Variants in RPS6KA2 observed in about 807,000 individuals in gnomAD.
The protein encoded by RPS6KA2 is ribosomal protein S6 kinase alpha-2.
Under a neutral mutation model 91.8 loss-of-function variants are expected in RPS6KA2, and 42 were observed. The observed-to-expected ratio is 0.46, with a 90% CI of 0.36 to 0.59. The LOEUF is 0.59. RPS6KA2 is among the 20% of genes least tolerant of loss of function. The pLI, the probability that RPS6KA2 is intolerant of heterozygous loss-of-function variation, is 0.00. For missense variants in RPS6KA2, 798 were observed against 978.5 expected (o/e 0.82, Z 2.46); for synonymous variants, 414 against 393.6 (o/e 1.05, Z -0.61).
chr6:166,632,973 G>A (rs192299438), intron 2 of RPS6KA2, among the ~76,000 whole-genome samples: 56 of 152,344 alleles, frequency 3.7e-4, no homozygotes, highest in African/African-American at 1.2e-3. Flanking sequence ...CCAGCATTTC[G>A]GGAGGCCGAG....
intron 2 of RPS6KA2, chr6:166,757,712 C>G (rs1050716256): frequency 9.9e-6 from 4 of 403,030 alleles, no homozygotes; most frequent in African/African-American, 4.1e-5. Flanking sequence ...CCGCACACCT[C>G]CTCTTCCCTC....
At chr6:166,469,933 G>A (rs1583175829) in intron 10 of RPS6KA2, 28 bp from the exon 11 acceptor site, 1 of 1,600,058 alleles carries the variant, frequency 6.2e-7, no homozygotes, top group Non-Finnish European at 8.6e-7. Context: ...ATGATCATCA[G>A]AACAAATCCA....
At chr6:166,739,609 G>C (rs1790756083) in intron 2 of RPS6KA2, among the ~76,000 whole-genome samples, 1 of 152,234 alleles carries the variant, frequency 6.6e-6, no homozygotes, top group Admixed American at 6.5e-5. Context: ...GGAAAAGAGG[G>C]TGTCGTGTGA....
intron 1 of RPS6KA2, among the ~76,000 whole-genome samples, chr6:166,613,130 C>T (rs1786248819): frequency 6.6e-6 from 1 of 152,180 alleles, no homozygotes. Flanking sequence ...ATTTAGTGAT[C>T]AGAAAAATTT....
At chr6:166,572,691 A>G (rs1338344046) in intron 1 of RPS6KA2, among the ~76,000 whole-genome samples, 1 of 152,196 alleles carries the variant, frequency 6.6e-6, no homozygotes, top group Non-Finnish European at 1.5e-5. Context: ...CTGGACCAGC[A>G]AGGCCCCCTT....
At chr6:166,686,861 T>C (rs926615324) in intron 2 of RPS6KA2, among the ~76,000 whole-genome samples, 8 of 152,166 alleles carry the variant, frequency 5.3e-5, no homozygotes, top group African/African-American at 1.4e-4. Context: ...AATTACAGTG[T>C]GGCCACAAAT....
chr6:166,734,481 T>C (rs1413731157), intron 2 of RPS6KA2, among the ~76,000 whole-genome samples: 2 of 152,146 alleles, frequency 1.3e-5, no homozygotes, highest in African/African-American at 4.8e-5. Context: ...CATCCAATGG[T>C]ATATAATTAC....
intron 10 of RPS6KA2, among the ~76,000 whole-genome samples, chr6:166,487,413 A>T (rs1252460008): frequency 6.6e-6 from 1 of 152,178 alleles, no homozygotes. Context: ...CACGCTCGGC[A>T]TGCAGAGGTG....
chr6:166,830,146 GAAAGAAAGAAAGAAAGA>G (rs1780149231), intron 2 of RPS6KA2, among the ~76,000 whole-genome samples: 1 of 45,012 alleles, frequency 2.2e-5, no homozygotes, highest in Non-Finnish European at 8.6e-5. Context: ...AAAAAAGAAA[GAAAGAAAGAAAGAAAGA>G]AAAGAAAAGG....
chr6:166,509,162 C>G (rs1489796298), intron 4 of RPS6KA2, among the ~76,000 whole-genome samples: 2 of 152,234 alleles, frequency 1.3e-5, no homozygotes, highest in Non-Finnish European at 2.9e-5. Flanking sequence ...AGAAAGCCCT[C>G]TGCCAGGACT....
intron 2 of RPS6KA2, among the ~76,000 whole-genome samples, chr6:166,734,171 G>T (rs1379614157): frequency 6.6e-6 from 1 of 152,220 alleles, no homozygotes; most frequent in Non-Finnish European, 1.5e-5. Context: ...GGGGGCCGAG[G>T]GCTCCTGGCA....
At position 166,728,898 on chromosome 6, in the gene RPS6KA2, C is replaced by T. The variant is rs1202773119; in HGVS notation, c.123+129302G>A. Among the ~76,000 whole-genome samples, 3 of 152,192 alleles carry T rather than the reference C, an allele frequency of 2.0e-5. No homozygotes were observed. The East Asian group carries it at 5.8e-4, about 29-fold the overall frequency. On this transcript the variant is annotated intron_variant, in intron 2 of 21. Transcript: ENST00000503859. ...GTGTGCTAAAACTGGCATTTCTCAA[C>T]CTGTGAGGTGTAGCTGCATCCCTCC...
At chr6:166,467,094 ACT>A (rs1295152145) in intron 11 of RPS6KA2, among the ~76,000 whole-genome samples, 5 of 147,608 alleles carry the variant, frequency 3.4e-5, no homozygotes, top group East Asian at 2.0e-4. Flanking sequence ...TCACTCATTC[ACT>A]CTCTAACTCA....
At chr6:166,734,660 T>C (rs1790624494) in intron 2 of RPS6KA2, among the ~76,000 whole-genome samples, 1 of 121,396 alleles carries the variant, frequency 8.2e-6, no homozygotes, top group African/African-American at 5.7e-5. Context: ...CAAGAGTCAC[T>C]GGGGGCGTGC....
rs201444480 is a variant in RPS6KA2, at chr6:166,448,819, C to T, written c.1237G>A (p.Asp413Asn). 1.3e-5 allele frequency: 21 copies of T among 1,613,836 alleles called. No homozygotes were observed. The highest frequency in any genetic ancestry group is 1.6e-4 in the Middle Eastern group (1 of 6,062). Residue 413 changes from aspartate to asparagine, a missense_variant, in exon 14 of 21, where the codon GAT becomes AAT. Transcript: ENST00000265678. This position sits in a 1 kb window ranked among gnomAD's most constrained non-coding sequence, Gnocchi z 4.7. ...QLHGNNIHFT[D>N]GYEIKEDIGV... ...ATGTCCTCCTTGATCTCGTAGCCAT[C>T]GGTGAAGTGGATGTTGTTCCCGTGT...
chr6:166,585,603 C>A (rs1307622437), intron 1 of RPS6KA2, among the ~76,000 whole-genome samples: 14 of 61,144 alleles, frequency 2.3e-4, no homozygotes, highest in Admixed American at 6.7e-4. Flanking sequence ...TAAGGAATCA[C>A]AAAGTACCAT....
At chr6:166,529,112 A>T (rs1214940117) in intron 3 of RPS6KA2, among the ~76,000 whole-genome samples, 1 of 152,222 alleles carries the variant, frequency 6.6e-6, no homozygotes, top group Non-Finnish European at 1.5e-5. Context: ...CTATAAAGAC[A>T]CATGCACATG....
intron 1 of RPS6KA2, among the ~76,000 whole-genome samples, chr6:166,618,644 C>A (rs1420320971): frequency 6.6e-6 from 1 of 152,248 alleles, no homozygotes; most frequent in Non-Finnish European, 1.5e-5. Flanking sequence ...ACGGGCACTA[C>A]TCTATAACTC....
At chr6:166,774,129 A>T (rs1430935380) in intron 2 of RPS6KA2, among the ~76,000 whole-genome samples, 1 of 152,190 alleles carries the variant, frequency 6.6e-6, no homozygotes, top group Non-Finnish European at 1.5e-5. Flanking sequence ...TTGGGGTCAT[A>T]GTCTGGATGA....
Sources: allele counts gnomAD v4.1 joint callset (sites outside exome capture counted in the v4.1 genomes callset), GRCh38; gene constraint gnomAD v4.1.1; non-coding constraint Gnocchi (gnomAD v3.1); transcripts MANE v1.5; gene names NCBI Gene and HGNC (gene_info 2026-07-23, HGNC 2026-07-21).